Variants in SIK3 observed in about 807,000 individuals in gnomAD.
The protein encoded by SIK3 is serine/threonine-protein kinase SIK3.
A neutral mutation model predicts 144.2 loss-of-function variants in SIK3; 28 were observed. The ratio of observed to expected loss-of-function variants is 0.19; its 90% CI spans 0.14 to 0.27. The LOEUF (loss-of-function observed/expected upper bound fraction) is 0.27, where lower values mean the gene tolerates loss of function less well. Among genes scored for constraint, SIK3 ranks in the 10% least tolerant of loss-of-function variants. SIK3 has a pLI of 1.00. For synonymous variants in SIK3, 686 were observed against 676.3 expected (o/e 1.01, Z -0.22); for missense variants, 1,319 against 1,776.0 (o/e 0.74, Z 4.62).
chr11:116,847,213 A>G (rs1274354238), intron 23 of SIK3, among the ~76,000 whole-genome samples: 2 of 152,218 alleles, frequency 1.3e-5, no homozygotes, highest in East Asian at 1.9e-4. Context: ...GCAGAACTGG[A>G]AAAAGTGATT....
At chr11:117,054,834 C>T (rs1953437510) in intron 1 of SIK3, among the ~76,000 whole-genome samples, 1 of 152,016 alleles carries the variant, frequency 6.6e-6, no homozygotes, top group African/African-American at 2.4e-5. Context: ...TACTTGCTGA[C>T]TGGTTGCATA....
intron 19 of SIK3, among the ~76,000 whole-genome samples, chr11:116,860,401 G>A (rs778328787): frequency 3.9e-5 from 6 of 152,182 alleles, no homozygotes; most frequent in African/African-American, 7.2e-5. Context: ...GACTAGGGAC[G>A]TAGCTCGTGG....
chr11:117,076,291 C>T (rs1027594477), intron 1 of SIK3, among the ~76,000 whole-genome samples: 1 of 152,148 alleles, frequency 6.6e-6, no homozygotes, highest in African/African-American at 2.4e-5. Flanking sequence ...GGACTGAGTT[C>T]TCCCTCTTAA....
At position 116,910,185 on chromosome 11, in the gene SIK3, A is replaced by G. The variant is rs532531591; in HGVS notation, c.617-12868T>C. On this transcript the variant is annotated intron_variant, in intron 4 of 24. Coordinates refer to ENST00000445177, the MANE Select transcript of SIK3 (RefSeq NM_001366686.3). ...TACACTACATATAATTTAAAAATTC[A>G]TTTTTGTCTATAATATCACTTGCTT... Among the ~76,000 whole-genome samples the G allele has an allele frequency of 3.9e-5, 6 of 152,250 alleles. No homozygotes were observed. In the South Asian group the frequency reaches 6.2e-4, roughly 16 times the overall value.
At chr11:117,077,832 G>A (rs1027241982) in intron 1 of SIK3, among the ~76,000 whole-genome samples, 2 of 152,158 alleles carry the variant, frequency 1.3e-5, no homozygotes, top group African/African-American at 2.4e-5. Context: ...TTTTATTCCA[G>A]AGTTATTTTC....
At chr11:117,041,924 T>C (rs1952759370) in intron 1 of SIK3, among the ~76,000 whole-genome samples, 2 of 152,160 alleles carry the variant, frequency 1.3e-5, no homozygotes, top group Non-Finnish European at 2.9e-5. Context: ...TTTTCATGTC[T>C]TTTTCATCTT....
chr11:116,851,526 C>T (rs2134316138), intron 21 of SIK3, among the ~76,000 whole-genome samples: 1 of 152,220 alleles, frequency 6.6e-6, no homozygotes, highest in African/African-American at 2.4e-5. Flanking sequence ...AACTGACATG[C>T]CCATTGCTAG....
chr11:116,996,312 A>G (rs1950664155), intron 1 of SIK3, among the ~76,000 whole-genome samples: 1 of 152,120 alleles, frequency 6.6e-6, no homozygotes, highest in Admixed American at 6.5e-5. Context: ...TGTCTCCAAA[A>G]AAAATAGAAG....
Position 116,873,890 on chromosome 11 carries a change from C to G in SIK3, c.1581+13G>C, listed in dbSNP as rs1406481569. On this transcript the variant is annotated intron_variant, in intron 12 of 24. Coordinates refer to ENST00000445177, the MANE Select transcript of SIK3 (RefSeq NM_001366686.3). ...GTTTCTTCTGGAGCCAGCCCTCTTC[C>G]ATGTCTAGGTACCTTGTACTCAAGT... The G allele has an allele frequency of 6.2e-7, 1 of 1,602,382 alleles. No individual in the cohort carries two copies. Among genetic ancestry groups the G allele is most frequent in the Non-Finnish European group, 8.5e-7 (1 of 1,175,040 alleles).
At chr11:116,927,735 A>G (rs991372080) in intron 3 of SIK3, among the ~76,000 whole-genome samples, 1 of 152,230 alleles carries the variant, frequency 6.6e-6, no homozygotes, top group Non-Finnish European at 1.5e-5. Flanking sequence ...ACACACATGA[A>G]GATAAGTATC....
chr11:116,955,776 C>T (rs964695544), intron 2 of SIK3, among the ~76,000 whole-genome samples: 2 of 152,144 alleles, frequency 1.3e-5, no homozygotes, highest in Admixed American at 6.5e-5. Context: ...AGAAGGTAGG[C>T]GTTGTTCAAC....
chr11:117,075,709 T>C (rs1954486123), intron 1 of SIK3, among the ~76,000 whole-genome samples: 1 of 148,508 alleles, frequency 6.7e-6, no homozygotes, highest in African/African-American at 2.5e-5. Context: ...ACCTGGCTAA[T>C]TTTTTTTTTA....
rs1300512583 is a variant in SIK3, at chr11:116,867,927, A to T, written c.1952+19T>A. ...CCGATGAGCCTCAAGGAGCTCGCAC[A>T]GCTCATGTGGCTACTCACCGATGCT... On this transcript the variant is annotated intron_variant, in intron 15 of 24. Coordinates refer to ENST00000445177, the MANE Select transcript of SIK3 (RefSeq NM_001366686.3). This position sits in a 1 kb window ranked among gnomAD's most constrained non-coding sequence, Gnocchi z 4.1. The T allele has an allele frequency of 2.0e-6, 3 of 1,513,930 alleles. No homozygotes were observed. The highest frequency in any genetic ancestry group is 2.7e-6 in the Non-Finnish European group (3 of 1,127,946). The allele number at this position is 1,513,930 out of a possible 1,614,324, so 93.8% of individuals were successfully genotyped here.
At chr11:117,011,152 A>T (rs1393241828) in intron 1 of SIK3, among the ~76,000 whole-genome samples, 1 of 152,160 alleles carries the variant, frequency 6.6e-6, no homozygotes, top group East Asian at 1.9e-4. Flanking sequence ...CCTCCTCCTG[A>T]AAAAAGGAAA....
At chr11:116,945,048 C>T (rs966047124) in intron 3 of SIK3, among the ~76,000 whole-genome samples, 2 of 152,108 alleles carry the variant, frequency 1.3e-5, no homozygotes, top group Non-Finnish European at 2.9e-5. Flanking sequence ...CAAGCTCCGC[C>T]TCCCGGGTTC....
chr11:116,873,376 G>A (rs1391382285), intron 13 of SIK3, 105 bp downstream of exon 13: 2 of 1,480,524 alleles, frequency 1.4e-6, no homozygotes, highest in Non-Finnish European at 1.9e-6. Context: ...TGGAGAAAAA[G>A]GAAATTCAGA....
At chr11:116,864,002 T>A in intron 15 of SIK3, 184 bp from the exon 16 acceptor site, 1 of 535,260 alleles carries the variant, frequency 1.9e-6, no homozygotes, top group Non-Finnish European at 3.2e-6. Flanking sequence ...TTTAGAGGGC[T>A]CCAGGTGTAC....
At chr11:116,919,068 T>G (rs1219682898) in intron 4 of SIK3, among the ~76,000 whole-genome samples, 1 of 152,154 alleles carries the variant, frequency 6.6e-6, no homozygotes, top group Non-Finnish European at 1.5e-5. Flanking sequence ...GTGCAATGAA[T>G]GATAGCCTAA....
chr11:117,091,983 A>G (rs1043456577), intron 1 of SIK3, among the ~76,000 whole-genome samples: 2 of 152,002 alleles, frequency 1.3e-5, no homozygotes, highest in African/African-American at 4.8e-5. Context: ...GGATCTCACT[A>G]TGTTGCCCAG....
Sources: gnomAD v4.1 joint callset for allele counts (sites outside exome capture counted in the v4.1 genomes callset) on GRCh38, gnomAD v4.1.1 for gene constraint, Gnocchi (gnomAD v3.1) non-coding constraint, MANE v1.5 for transcripts, NCBI Gene and HGNC (gene_info 2026-07-23, HGNC 2026-07-21) for gene names.